Variants in LRRC37A2 observed in about 807,000 individuals in gnomAD.
LRRC37A2 encodes leucine-rich repeat-containing protein 37A2.
Under a neutral mutation model 68.8 loss-of-function variants are expected in LRRC37A2, and 9 were observed. The observed-to-expected ratio is 0.13, with a 90% confidence interval of 0.08 to 0.23. LRRC37A2 has a LOEUF of 0.23. Ranked by LOEUF, LRRC37A2 falls within the 10% of genes least tolerant of loss-of-function variation. The pLI is 1.00. For synonymous variants in LRRC37A2, 63 were observed against 367.6 expected (o/e 0.17, Z 9.48); for missense variants, 168 against 950.4 (o/e 0.18, Z 10.82).
the LRRC37A2 span, among the ~76,000 whole-genome samples, chr17:46,963,388 T>A: frequency 6.6e-6 from 1 of 151,826 alleles, no homozygotes; most frequent in Non-Finnish European, 1.5e-5. Context: ...CTACTAAAAA[T>A]AAAAAAATTA....
At chr17:46,498,979 G>T in the LRRC37A2 span, among the ~76,000 whole-genome samples, 2 of 150,674 alleles carry the variant, frequency 1.3e-5, no homozygotes, top group African/African-American at 5.0e-5. Flanking sequence ...TAAAATGAAA[G>T]AATGCATTTT....
the LRRC37A2 span, among the ~76,000 whole-genome samples, chr17:46,853,102 G>A: frequency 7.0e-4 from 107 of 152,212 alleles, 1 homozygote; most frequent in African/African-American, 2.0e-3. Flanking sequence ...GTTTGTTTCC[G>A]AAGATTTCAG....
the LRRC37A2 span, chr17:46,940,530 A>T: frequency 6.2e-7 from 1 of 1,614,070 alleles, no homozygotes; most frequent in Non-Finnish European, 8.5e-7. Context: ...TGAGACTGCG[A>T]CGGCAAGGCT....
At chr17:46,820,545 G>A in the LRRC37A2 span, among the ~76,000 whole-genome samples, 1 of 152,088 alleles carries the variant, frequency 6.6e-6, no homozygotes, top group South Asian at 2.1e-4. Context: ...GACCAGGAGT[G>A]GTGAACCTGG....
At chr17:46,879,478 C>T in the LRRC37A2 span, among the ~76,000 whole-genome samples, 30 of 152,300 alleles carry the variant, frequency 2.0e-4, no homozygotes, top group African/African-American at 7.0e-4. Flanking sequence ...ATAATGACAA[C>T]GAGAATTCCC....
At chr17:46,797,941 T>C in the LRRC37A2 span, among the ~76,000 whole-genome samples, 1 of 152,180 alleles carries the variant, frequency 6.6e-6, no homozygotes, top group South Asian at 2.1e-4. Context: ...TTTTGTTTGT[T>C]GGTTTTTTGT....
At chr17:46,392,413 CTCTCTCTCTTTCTT>C in the LRRC37A2 span, among the ~76,000 whole-genome samples, 4 of 44,792 alleles carry the variant, frequency 8.9e-5, no homozygotes, top group South Asian at 1.5e-3. Flanking sequence ...CTTTCTTTCT[CTCTCTCTCTTTCTT>C]TCTCTCTTTC....
chr17:46,958,047 A>G, the LRRC37A2 span, among the ~76,000 whole-genome samples: 2 of 152,134 alleles, frequency 1.3e-5, no homozygotes, highest in African/African-American at 4.8e-5. Flanking sequence ...TTTGCTGCCA[A>G]ATGTCACTGG....
the LRRC37A2 span, among the ~76,000 whole-genome samples, chr17:46,792,893 T>TTTC: frequency 6.6e-6 from 1 of 151,974 alleles, no homozygotes; most frequent in East Asian, 1.9e-4. Flanking sequence ...ATTTAACGGA[T>TTTC]GATGACATGG....
chr17:46,935,404 C>T, the LRRC37A2 span: 1 of 1,430,910 alleles, frequency 7.0e-7, no homozygotes, highest in Non-Finnish European at 9.1e-7. Flanking sequence ...TCTTAGGATC[C>T]AGGTCTTTTC....
chr17:46,759,471 G>A, the LRRC37A2 span, among the ~76,000 whole-genome samples: 1 of 152,218 alleles, frequency 6.6e-6, no homozygotes, highest in Admixed American at 6.5e-5. Flanking sequence ...TTTTCCCAGC[G>A]TAGACGCCAT....
At chr17:46,790,013 C>T in the LRRC37A2 span, among the ~76,000 whole-genome samples, 3 of 152,142 alleles carry the variant, frequency 2.0e-5, no homozygotes, top group Non-Finnish European at 4.4e-5. Context: ...ACCTGGACTT[C>T]CCCCACTCTA....
At chr17:47,008,111 A>T in the LRRC37A2 span, among the ~76,000 whole-genome samples, 5 of 142,260 alleles carry the variant, frequency 3.5e-5, no homozygotes, top group Non-Finnish European at 7.7e-5. Context: ...AATTTAATTA[A>T]TTTTTTTTTT....
chr17:46,929,613 C>T, the LRRC37A2 span: 1 of 1,131,628 alleles, frequency 8.8e-7, no homozygotes, highest in Middle Eastern at 2.0e-4. Flanking sequence ...AGACCAGAGT[C>T]CTTTCTCTGA....
At chr17:46,569,492 CTGTCTT>C in the LRRC37A2 span, among the ~76,000 whole-genome samples, 6 of 146,072 alleles carry the variant, frequency 4.1e-5, no homozygotes, top group African/African-American at 1.6e-4. Flanking sequence ...GTTATCCTCT[CTGTCTT>C]TGTATTTGTT....
At chr17:46,975,734 G>C in the LRRC37A2 span, among the ~76,000 whole-genome samples, 1 of 152,212 alleles carries the variant, frequency 6.6e-6, no homozygotes, top group Non-Finnish European at 1.5e-5. Flanking sequence ...ACACCACAGG[G>C]GACCCAAACA....
At chr17:46,939,389 A>G in the LRRC37A2 span, 3 of 998,072 alleles carry the variant, frequency 3.0e-6, no homozygotes, top group Non-Finnish European at 3.6e-6. Context: ...TCCACACTAC[A>G]GCTGGGTGTT....
the LRRC37A2 span, among the ~76,000 whole-genome samples, chr17:46,884,877 C>G: frequency 8.5e-5 from 13 of 152,164 alleles, no homozygotes; most frequent in Admixed American, 8.5e-4. Context: ...CCTGGCTTCT[C>G]CTATATTTGC....
the LRRC37A2 span, among the ~76,000 whole-genome samples, chr17:46,767,927 T>C: frequency 6.6e-6 from 1 of 152,082 alleles, no homozygotes. Context: ...CAGCTGGGAT[T>C]ACAGGCACCT....
Sources: allele counts gnomAD v4.1 joint callset (sites outside exome capture counted in the v4.1 genomes callset), GRCh38; gene constraint gnomAD v4.1.1; transcripts MANE v1.5; gene names NCBI Gene and HGNC (gene_info 2026-07-23, HGNC 2026-07-21).